Variants in LEO1 observed in about 807,000 individuals in gnomAD.
LEO1 encodes RNA polymerase-associated protein LEO1.
In LEO1, 34 loss-of-function variants were observed where a neutral mutation model predicts 80.4. The ratio of observed to expected loss-of-function variants is 0.42; its 90% CI spans 0.32 to 0.56. The LOEUF (loss-of-function observed/expected upper bound fraction) is 0.56, where lower values mean the gene tolerates loss of function less well. Among genes scored for constraint, LEO1 ranks in the 20% least tolerant of loss-of-function variants. The pLI is 0.10. For missense variants in LEO1, 631 were observed against 814.2 expected (o/e 0.77, Z 2.74); for synonymous variants, 262 against 274.9 (o/e 0.95, Z 0.46).
At chr15:51,954,365 G>A in intron 7 of LEO1, 116 bp downstream of exon 7, 1 of 672,438 alleles carries the variant, frequency 1.5e-6, no homozygotes, top group Non-Finnish European at 2.6e-6. Flanking sequence ...ATGGGCAACA[G>A]AGTGAGACCC....
chr15:51,969,276 A>T (rs1277686832), intron 1 of LEO1, among the ~76,000 whole-genome samples: 2 of 151,938 alleles, frequency 1.3e-5, no homozygotes, highest in African/African-American at 4.8e-5. Context: ...AATTTTTTTA[A>T]AACAGAGGAC....
At chr15:51,947,070 C>G in intron 11 of LEO1, 2 of 503,728 alleles carry the variant, frequency 4.0e-6, no homozygotes, top group Non-Finnish European at 7.1e-6. Context: ...CAACACCCAG[C>G]AAGAAGTCTT....
chr15:51,961,434 T>C (rs1247307321), intron 3 of LEO1, among the ~76,000 whole-genome samples: 1 of 151,934 alleles, frequency 6.6e-6, no homozygotes, highest in South Asian at 2.1e-4. Context: ...CTGTTGTTGC[T>C]CAGGCTGGAC....
intron 8 of LEO1, chr15:51,952,271 T>C (rs1315012114): frequency 1.5e-5 from 3 of 199,098 alleles, no homozygotes; most frequent in Non-Finnish European, 3.0e-5. Flanking sequence ...GCAACATTAA[T>C]TAGATACTAC....
intron 6 of LEO1, among the ~76,000 whole-genome samples, chr15:51,957,893 T>C (rs1309399846): frequency 6.6e-6 from 1 of 151,976 alleles, no homozygotes. Context: ...TGGTGGTGCA[T>C]GCCTGTAGTC....
intron 2 of LEO1, among the ~76,000 whole-genome samples, chr15:51,963,268 T>A (rs1164889787): frequency 6.6e-6 from 1 of 152,084 alleles, no homozygotes; most frequent in African/African-American, 2.4e-5. Context: ...AGAGCGAGAC[T>A]GTCTCAAATA....
At chr15:51,947,414 AG>A in intron 10 of LEO1, 25 bp from the exon 11 acceptor site, 1 of 1,516,636 alleles carries the variant, frequency 6.6e-7, no homozygotes, top group Non-Finnish European at 9.0e-7. Context: ...ACAGATTGTG[AG>A]TCACCTTTTT....
intron 11 of LEO1, among the ~76,000 whole-genome samples, chr15:51,945,951 A>G (rs71472920): frequency 0.024 from 3,645 of 151,822 alleles, 62 homozygotes; most frequent in Non-Finnish European, 0.038. Context: ...GGAAAATGGC[A>G]TGAACCCAGG....
intron 7 of LEO1, among the ~76,000 whole-genome samples, chr15:51,953,622 G>GT: frequency 6.6e-6 from 1 of 150,726 alleles, no homozygotes; most frequent in African/African-American, 2.4e-5. Context: ...TCCATCTCAA[G>GT]GAAAAAAAAA....
At chr15:51,940,519 C>G (rs557357762) in intron 11 of LEO1, among the ~76,000 whole-genome samples, 1 of 151,732 alleles carries the variant, frequency 6.6e-6, no homozygotes, top group African/African-American at 2.4e-5. Context: ...TGAGACCACA[C>G]CACCACACTC....
intron 11 of LEO1, among the ~76,000 whole-genome samples, chr15:51,946,315 G>C (rs1003585473): frequency 2.0e-5 from 3 of 151,946 alleles, no homozygotes; most frequent in African/African-American, 7.2e-5. Flanking sequence ...TCAGTCTCCT[G>C]AGGCTGAGAG....
intron 1 of LEO1, 106 bp from the exon 2 acceptor site, chr15:51,966,610 G>A (rs2057080059): frequency 1.4e-6 from 1 of 692,588 alleles, no homozygotes; most frequent in South Asian, 1.9e-5. Flanking sequence ...GGCAAAAACT[G>A]TTAGAATTAA....
chr15:51,965,951 T>A lies in LEO1; in HGVS notation c.612A>T (p.Leu204=), dbSNP rs773009070. Residue 204 remains leucine (L), a synonymous_variant, in exon 2 of 12, where the codon CTA becomes CTT. Coordinates refer to ENST00000299601, the MANE Select transcript of LEO1 (RefSeq NM_138792.4). ...CAGAATTAGCCTTTTCCTCCTCAGA[T>A]AGCTGTTGTCTCTCATCATCGGAAA... The part of the protein sequence containing the change: ...PQLSDDERQQ[L]SEEEKANSDD... The A allele has an allele frequency of 1.2e-6, 2 of 1,614,076 alleles. No homozygotes were observed. The highest frequency in any genetic ancestry group is 8.5e-7 in the Non-Finnish European group (1 of 1,179,946).
chr15:51,958,707 T>C, intron 6 of LEO1, 35 bp downstream of exon 6: 1 of 1,368,976 alleles, frequency 7.3e-7, no homozygotes. Flanking sequence ...TTTTACTTTA[T>C]AAAAGAAAAA....
chr15:51,947,107 C>T (rs950410708), intron 11 of LEO1, 185 bp downstream of exon 11: 5 of 600,756 alleles, frequency 8.3e-6, no homozygotes, highest in African/African-American at 7.5e-5. Context: ...TCTAAGACCT[C>T]TCTAAGCACA....
At chr15:51,945,484 G>GT (rs567228615) in intron 11 of LEO1, among the ~76,000 whole-genome samples, 121 of 152,036 alleles carry the variant, frequency 8.0e-4, no homozygotes, top group South Asian at 4.0e-3. Context: ...ACCTTCAGAC[G>GT]TTTACTCAAA....
intron 1 of LEO1, among the ~76,000 whole-genome samples, chr15:51,967,275 C>A (rs1025855042): frequency 1.3e-5 from 2 of 152,132 alleles, no homozygotes; most frequent in African/African-American, 4.8e-5. Flanking sequence ...GAGTTCGAGA[C>A]CAGGCTGGCC....
chr15:51,941,202 C>T (rs950589434), intron 11 of LEO1, among the ~76,000 whole-genome samples: 2 of 152,194 alleles, frequency 1.3e-5, no homozygotes, highest in African/African-American at 4.8e-5. Flanking sequence ...AGGATGACTT[C>T]ATTTTTGTGA....
chr15:51,964,848 G>T (rs1013018038), intron 2 of LEO1, among the ~76,000 whole-genome samples: 4 of 152,166 alleles, frequency 2.6e-5, no homozygotes, highest in South Asian at 4.1e-4. Flanking sequence ...AAAGAAATAT[G>T]ATCTCTAATT....
Sources: gnomAD v4.1 joint callset for allele counts (sites outside exome capture counted in the v4.1 genomes callset) on GRCh38, gnomAD v4.1.1 for gene constraint, MANE v1.5 for transcripts, NCBI Gene and HGNC (gene_info 2026-07-23, HGNC 2026-07-21) for gene names.